The following TLK1 variants were observed in gnomAD, a reference collection of about 807,000 sequenced individuals.
TLK1 encodes the protein tousled like kinase 1.
A neutral mutation model predicts 105.3 loss-of-function variants in TLK1; 24 were observed. The ratio of observed to expected loss-of-function variants is 0.23; its 90% CI spans 0.17 to 0.32. TLK1 has a LOEUF of 0.32. TLK1 is among the 10% of genes least tolerant of loss of function. The probability of loss-of-function intolerance (pLI) is 1.00; values close to 1 mark genes in which losing one functional copy is unlikely to be tolerated. For synonymous variants in TLK1, 321 were observed against 310.4 expected (o/e 1.03, Z -0.36); for missense variants, 558 against 910.5 (o/e 0.61, Z 4.98).
In TLK1 at chr2:171,160,284, G is replaced by A. The variant is rs756206497; in HGVS notation, c.139+6C>T. ...CGCGAGCGGGCGCGGGCGCGGCGGT[G>A]CTTACCTTCCCTGGGCCTCCCGGAT... On this transcript the variant is annotated splice_donor_region_variant and intron_variant, in intron 1 of 20. Coordinates refer to ENST00000431350, the MANE Select transcript of TLK1 (RefSeq NM_012290.5). This position sits in a 1 kb window ranked among gnomAD's most constrained non-coding sequence, Gnocchi z 4.4. 3 of 1,561,386 alleles carry A rather than the reference G, an allele frequency of 1.9e-6. No individual in the cohort carries two copies. Among genetic ancestry groups the A allele is most frequent in the East Asian group, 2.6e-5 (1 of 38,268 alleles).
chr2:171,115,469 G>A (rs952473796), intron 2 of TLK1, among the ~76,000 whole-genome samples: 7 of 151,970 alleles, frequency 4.6e-5, no homozygotes, highest in East Asian at 1.9e-4. Context: ...AACCGTGCCC[G>A]GCCTTTTAAG....
chr2:171,230,380 T>C (rs1344118455), intron 1 of TLK1, among the ~76,000 whole-genome samples: 1 of 152,198 alleles, frequency 6.6e-6, no homozygotes, highest in Non-Finnish European at 1.5e-5. Context: ...ATTAGAGTCA[T>C]AAGACTTTTA....
At chr2:171,012,012 T>C (rs1343496841) in intron 13 of TLK1, among the ~76,000 whole-genome samples, 4 of 152,198 alleles carry the variant, frequency 2.6e-5, no homozygotes, top group Admixed American at 2.6e-4. Context: ...ACTTGCCATA[T>C]ATAGGCTGAG....
intron 1 of TLK1, among the ~76,000 whole-genome samples, chr2:171,134,860 CAA>C (rs770267004): frequency 2.0e-5 from 3 of 151,312 alleles, no homozygotes; most frequent in Non-Finnish European, 4.4e-5. Context: ...CTAAGCCTCC[CAA>C]AGTGCTAGGA....
intron 1 of TLK1, among the ~76,000 whole-genome samples, chr2:171,167,338 C>A (rs1692627730): frequency 6.6e-6 from 1 of 152,178 alleles, no homozygotes; most frequent in Non-Finnish European, 1.5e-5. Flanking sequence ...GACTCACCTC[C>A]AAATTTTTGT....
intron 3 of TLK1, among the ~76,000 whole-genome samples, chr2:171,063,441 G>T (rs549925362): frequency 1.3e-5 from 2 of 151,962 alleles, no homozygotes; most frequent in African/African-American, 4.8e-5. Flanking sequence ...ATAAAAAAGC[G>T]AAGAAAACAT....
intron 1 of TLK1, among the ~76,000 whole-genome samples, chr2:171,131,372 G>A (rs1025094649): frequency 6.6e-6 from 1 of 152,120 alleles, no homozygotes; most frequent in African/African-American, 2.4e-5. Context: ...TTTTTGGACA[G>A]TATTTAGTGA....
chr2:171,092,251 T>G (rs1689268807), intron 2 of TLK1, among the ~76,000 whole-genome samples: 1 of 152,206 alleles, frequency 6.6e-6, no homozygotes, highest in South Asian at 2.1e-4. Context: ...AAAATCCATA[T>G]TGTTTTGGCA....
intron 11 of TLK1, among the ~76,000 whole-genome samples, chr2:171,037,091 T>C (rs567568679): frequency 8.9e-4 from 136 of 152,070 alleles, no homozygotes; most frequent in African/African-American, 2.8e-3. Flanking sequence ...AGGTAATATC[T>C]GAACTAAATT....
chr2:171,219,484 T>C (rs1693770145), intron 1 of TLK1, among the ~76,000 whole-genome samples: 1 of 152,192 alleles, frequency 6.6e-6, no homozygotes, highest in South Asian at 2.1e-4. Context: ...AGTCCAGCAT[T>C]AGGGTGACAG....
chr2:171,201,945 C>CTAT (rs58352209), intron 1 of TLK1, among the ~76,000 whole-genome samples: 1 of 149,948 alleles, frequency 6.7e-6, no homozygotes, highest in African/African-American at 2.5e-5. Context: ...ATCTATCTAT[C>CTAT]ATCAATCATA....
At position 171,216,969 on chromosome 2, in the gene TLK1, G is replaced by A. The variant is rs147992247; in HGVS notation, c.-6+14176C>T. On this transcript the variant is annotated intron_variant, in intron 1 of 20. Transcript: ENST00000521943. ...CTTCTAACCCACAGAAGTATAAGGC[G>A]ACACATTTCTGTTATTTTAAGCCAC... Among the ~76,000 whole-genome samples, 14 of 152,292 alleles carry A rather than the reference G, an allele frequency of 9.2e-5. No individual in the cohort carries two copies. In the East Asian group the frequency reaches 1.3e-3, roughly 15 times the overall value.
chr2:171,187,861 A>C (rs1311234575), intron 1 of TLK1, among the ~76,000 whole-genome samples: 1 of 152,206 alleles, frequency 6.6e-6, no homozygotes, highest in Middle Eastern at 3.2e-3. Context: ...ATGGATGAAT[A>C]AGAAACTTAC....
At chr2:171,155,192 TAAAC>T (rs1306165105) in intron 1 of TLK1, among the ~76,000 whole-genome samples, 1 of 152,118 alleles carries the variant, frequency 6.6e-6, no homozygotes. Flanking sequence ...TGAAATCACG[TAAAC>T]AATTACAAAT....
At chr2:171,229,320 G>C (rs1028134871) in intron 1 of TLK1, among the ~76,000 whole-genome samples, 2 of 152,158 alleles carry the variant, frequency 1.3e-5, no homozygotes, top group Non-Finnish European at 2.9e-5. Flanking sequence ...GTCTTGTGCA[G>C]GCTAATGGAT....
chr2:171,050,183 TAAGTAGA>T lies in TLK1; in HGVS notation c.733-16_733-10del. The T allele has an allele frequency of 6.3e-7, 1 of 1,583,784 alleles. No homozygotes were observed. Among genetic ancestry groups the T allele is most frequent in the Non-Finnish European group, 8.6e-7 (1 of 1,162,150 alleles). ...CTGAGATCACAGTTAGCCTATGACATAAGTAGAAAATGCAAGAGGTCTAGACTGGGGA... is the reference window on the plus strand; with the variant it reads ...CTGAGATCACAGTTAGCCTATGACATAAATGCAAGAGGTCTAGACTGGGGA... On this transcript the variant is annotated splice_polypyrimidine_tract_variant and intron_variant, in intron 8 of 20. Transcript: ENST00000431350.
At position 171,090,954 on chromosome 2, in the gene TLK1, T is replaced by A. The variant is rs544284759; in HGVS notation, c.259-8102A>T. On this transcript the variant is annotated intron_variant, in intron 2 of 20. Coordinates refer to ENST00000431350, the MANE Select transcript of TLK1 (RefSeq NM_012290.5). Reference sequence around the variant, plus strand: ...ATCCTCAGTAGCCACATGTGGCCAGTGGCTACTATTAGGCCATACAGATAC... The same window carrying A: ...ATCCTCAGTAGCCACATGTGGCCAGAGGCTACTATTAGGCCATACAGATAC... 7.2e-5 allele frequency among the ~76,000 whole-genome samples: 11 copies of A among 152,364 alleles called. No homozygotes were observed. The South Asian group carries it at 2.3e-3, about 32-fold the overall frequency.
chr2:171,106,252 G>T (rs187567202), intron 2 of TLK1, among the ~76,000 whole-genome samples: 142 of 152,284 alleles, frequency 9.3e-4, no homozygotes, highest in Admixed American at 8.7e-3. Context: ...CATAGGAAGA[G>T]TAAGTCCTGG....
chr2:171,070,062 T>C (rs1356461417), intron 3 of TLK1, among the ~76,000 whole-genome samples: 2 of 152,152 alleles, frequency 1.3e-5, no homozygotes, highest in African/African-American at 4.8e-5. Flanking sequence ...TGAGCACCTA[T>C]TATGGTAAAG....
Sources: allele counts gnomAD v4.1 joint callset (sites outside exome capture counted in the v4.1 genomes callset), GRCh38; gene constraint gnomAD v4.1.1; non-coding constraint Gnocchi (gnomAD v3.1); transcripts MANE v1.5; gene names NCBI Gene and HGNC (gene_info 2026-07-23, HGNC 2026-07-21).